EPHA3: variants seen among roughly 807,000 people sequenced by gnomAD.
EPHA3 encodes the protein EPH receptor A3, also known as ephrin type-A receptor 3.
A neutral mutation model predicts 107.1 loss-of-function variants in EPHA3; 42 were observed. The observed-to-expected ratio is 0.39, with a 90% CI of 0.31 to 0.51. The LOEUF is 0.51. EPHA3 is among the 20% of genes least tolerant of loss of function. The pLI, the probability that EPHA3 is intolerant of heterozygous loss-of-function variation, is 0.78. For missense variants in EPHA3, 1,183 were observed against 1,211.2 expected (o/e 0.98, Z 0.35); for synonymous variants, 461 against 424.8 (o/e 1.09, Z -1.05).
chr3:89,191,408 A>G (rs886204622), intron 2 of EPHA3, among the ~76,000 whole-genome samples: 1 of 151,630 alleles, frequency 6.6e-6, no homozygotes, highest in African/African-American at 2.4e-5. Flanking sequence ...CTGGGTTCAC[A>G]CCATTCTCCT....
At chr3:89,175,930 T>C (rs1705312065) in intron 2 of EPHA3, among the ~76,000 whole-genome samples, 1 of 152,168 alleles carries the variant, frequency 6.6e-6, no homozygotes, top group Non-Finnish European at 1.5e-5. Context: ...TTTTTTACAG[T>C]TGTTTTCGTT....
intron 2 of EPHA3, among the ~76,000 whole-genome samples, chr3:89,199,876 T>A (rs1222922237): frequency 6.6e-6 from 1 of 152,194 alleles, no homozygotes; most frequent in Non-Finnish European, 1.5e-5. Context: ...GTACTTTGTA[T>A]AATTTTGACA....
chr3:89,314,388 AT>A (rs894607736), intron 3 of EPHA3, among the ~76,000 whole-genome samples: 4 of 151,296 alleles, frequency 2.6e-5, no homozygotes, highest in African/African-American at 4.9e-5. Context: ...GGCAAATAAG[AT>A]TTTTTTTTCA....
In EPHA3 at chr3:89,368,020, C is replaced by A. The variant is rs770274156; in HGVS notation, c.1306+25930C>A. On this transcript the variant is annotated intron_variant, in intron 5 of 16. Coordinates refer to ENST00000336596, the MANE Select transcript of EPHA3 (RefSeq NM_005233.6). ...ACCAAGGCATGGCTCACATTTGTCT[C>A]CTTCATAGTGGCTAACTTGGGCCTT... 2.1e-4 allele frequency among the ~76,000 whole-genome samples: 31 copies of A among 150,376 alleles called. 2 individuals are homozygous for A. Among genetic ancestry groups the A allele is most frequent in the Non-Finnish European group, 3.0e-4 (20 of 67,152 alleles).
At chr3:89,185,110 G>T (rs1427177863) in intron 2 of EPHA3, among the ~76,000 whole-genome samples, 3 of 151,940 alleles carry the variant, frequency 2.0e-5, no homozygotes, top group Non-Finnish European at 4.4e-5. Context: ...ATCAAAGTAT[G>T]GTAAAGAACC....
At chr3:89,309,564 C>G (rs137905870) in intron 3 of EPHA3, among the ~76,000 whole-genome samples, 1 of 152,252 alleles carries the variant, frequency 6.6e-6, no homozygotes, top group South Asian at 2.1e-4. Context: ...CAGGCACACA[C>G]GCTCACATCT....
rs2107508047 is a variant in EPHA3, at chr3:89,399,341, C to A, written c.1455C>A (p.Thr485=). The part of the protein sequence containing the change: ...YEKQEQETSY[T]ILRARGTNVT... Reference sequence around the variant, plus strand: ...AGCAGGAACAAGAAACAAGTTATACCATTCTGAGGGCAAGAGGCACAAATG... The same window carrying A: ...AGCAGGAACAAGAAACAAGTTATACAATTCTGAGGGCAAGAGGCACAAATG... Residue 485 remains threonine (T), a synonymous_variant, in exon 7 of 17, where the codon ACC becomes ACA. Transcript: ENST00000336596. 1.2e-6 allele frequency: 2 copies of A among 1,608,190 alleles called. No homozygotes were observed. The highest frequency in any genetic ancestry group is 2.2e-5 in the South Asian group (2 of 90,296).
At position 89,419,439 on chromosome 3, in the gene EPHA3, T is replaced by C. The variant is rs7629509; in HGVS notation, c.2074+49T>C. On this transcript the variant is annotated intron_variant, in intron 11 of 16. Coordinates refer to ENST00000336596, the MANE Select transcript of EPHA3 (RefSeq NM_005233.6). The stretch of plus-strand genomic sequence containing the variant: ...TGTGTTTCCGTATGTTGAGCAAAGG[T>C]TGTTTAAACCCAACCCCAACCATTT... 1.4e-3 allele frequency: 2,076 copies of C among 1,477,812 alleles called. 20 individuals are homozygous for C. The African/African-American group carries it at 0.026, about 19-fold the overall frequency. 91.5% of individuals were successfully genotyped at this position (1,477,812 alleles called of 1,614,324 possible).
intron 2 of EPHA3, among the ~76,000 whole-genome samples, chr3:89,165,797 G>GT: frequency 6.6e-6 from 1 of 152,246 alleles, no homozygotes; most frequent in East Asian, 1.9e-4. Context: ...AAAGGCCCCT[G>GT]CCGTTCTGGA....
chr3:89,367,806 GC>G (rs1205950898), intron 5 of EPHA3, among the ~76,000 whole-genome samples: 2 of 150,654 alleles, frequency 1.3e-5, no homozygotes. Flanking sequence ...CTAAGTGCCA[GC>G]ACTTTGTTAA....
At chr3:89,200,967 C>T (rs1705954485) in intron 2 of EPHA3, among the ~76,000 whole-genome samples, 1 of 152,032 alleles carries the variant, frequency 6.6e-6, no homozygotes, top group African/African-American at 2.4e-5. Flanking sequence ...GCCACCCCAG[C>T]CCTGAACTGG....
intron 5 of EPHA3, among the ~76,000 whole-genome samples, chr3:89,379,108 C>T (rs1708453939): frequency 6.6e-6 from 1 of 152,186 alleles, no homozygotes; most frequent in Admixed American, 6.6e-5. Flanking sequence ...TCTGTCTCTG[C>T]AATTTCCCCT....
At chr3:89,228,905 G>A (rs1704562946) in intron 3 of EPHA3, among the ~76,000 whole-genome samples, 1 of 151,924 alleles carries the variant, frequency 6.6e-6, no homozygotes, top group Admixed American at 6.6e-5. Context: ...ATGAGCTTTT[G>A]TGGTTTAATG....
intron 15 of EPHA3, among the ~76,000 whole-genome samples, chr3:89,461,186 A>C (rs1303360644): frequency 1.5e-4 from 15 of 102,704 alleles, no homozygotes; most frequent in Non-Finnish European, 2.2e-4. Flanking sequence ...ATAGTATTCC[A>C]TGGTGTATAT....
intron 14 of EPHA3, 31 bp from the exon 15 acceptor site, chr3:89,450,146 C>T (rs376442628): frequency 7.2e-6 from 11 of 1,525,346 alleles, no homozygotes; most frequent in Non-Finnish European, 9.7e-6. Context: ...TGAAAACTTC[C>T]TGGTTCCTGA....
chr3:89,414,049 G>A (rs1709203116), intron 10 of EPHA3, among the ~76,000 whole-genome samples: 1 of 151,530 alleles, frequency 6.6e-6, no homozygotes, highest in Non-Finnish European at 1.5e-5. Flanking sequence ...ATCCTTCAAT[G>A]TCACTCCCCA....
intron 3 of EPHA3, among the ~76,000 whole-genome samples, chr3:89,285,168 C>T (rs1706050086): frequency 6.6e-6 from 1 of 152,010 alleles, no homozygotes; most frequent in Admixed American, 6.6e-5. Context: ...CACATCACTC[C>T]TCTTTTTGTT....
chr3:89,389,447 G>C (rs1215049546), intron 5 of EPHA3, among the ~76,000 whole-genome samples: 1 of 152,170 alleles, frequency 6.6e-6, no homozygotes, highest in Non-Finnish European at 1.5e-5. Context: ...GGCTCACTTA[G>C]AAAAGAAATC....
chr3:89,399,127 TA>T (rs375028505), intron 6 of EPHA3, among the ~76,000 whole-genome samples, 190 bp from the exon 7 acceptor site: 989 of 138,682 alleles, frequency 7.1e-3, no homozygotes, highest in Middle Eastern at 0.022. Flanking sequence ...AGACTTTGTC[TA>T]AAAAAAAAAA....
Sources: allele counts gnomAD v4.1 joint callset (sites outside exome capture counted in the v4.1 genomes callset), GRCh38; gene constraint gnomAD v4.1.1; transcripts MANE v1.5; gene names NCBI Gene and HGNC (gene_info 2026-07-23, HGNC 2026-07-21).